Variants in CSMD3 observed in about 807,000 individuals in gnomAD.
CSMD3 encodes the protein CUB and sushi domain-containing protein 3.
In CSMD3, 177 loss-of-function variants were observed where a neutral mutation model predicts 435.2. The ratio of observed to expected loss-of-function variants is 0.41; its 90% confidence interval spans 0.36 to 0.46. The LOEUF is 0.46. Ranked by LOEUF, CSMD3 falls within the 20% of genes least tolerant of loss-of-function variation. The probability of loss-of-function intolerance (pLI) is 0.34; values close to 1 mark genes in which losing one functional copy is unlikely to be tolerated. For synonymous variants in CSMD3, 1,656 were observed against 1,520.5 expected, an observed-to-expected ratio of 1.09 and a Z score of -2.07; for missense variants, 4,265 against 4,504.6, an observed-to-expected ratio of 0.95 and a Z score of 1.52.
intron 5 of CSMD3, among the ~76,000 whole-genome samples, chr8:113,065,468 G>T (rs1239513418): frequency 1.3e-5 from 2 of 151,984 alleles, no homozygotes; most frequent in Non-Finnish European, 2.9e-5. Flanking sequence ...TTCACTGCCA[G>T]CTCCGCCTCC....
chr8:113,274,847 G>A (rs544939534), intron 3 of CSMD3, among the ~76,000 whole-genome samples: 6 of 136,862 alleles, frequency 4.4e-5, no homozygotes, highest in Non-Finnish European at 7.9e-5. Context: ...GAGAAAGAGA[G>A]AGAGAAAGAA....
chr8:112,543,501 C>A (rs1255133403), intron 27 of CSMD3, among the ~76,000 whole-genome samples: 1 of 152,034 alleles, frequency 6.6e-6, no homozygotes, highest in Non-Finnish European at 1.5e-5. Flanking sequence ...CATAACTAAT[C>A]TTCAAGGAAA....
At chr8:112,378,677 G>C (rs765654479) in intron 38 of CSMD3, among the ~76,000 whole-genome samples, 2 of 152,168 alleles carry the variant, frequency 1.3e-5, no homozygotes, top group African/African-American at 2.4e-5. Context: ...GGGATGAAGA[G>C]AGGTTGGTTA....
chr8:112,557,824 G>C (rs1006337963), intron 24 of CSMD3, among the ~76,000 whole-genome samples: 3 of 151,922 alleles, frequency 2.0e-5, no homozygotes, highest in African/African-American at 7.2e-5. Context: ...GTTTCCCTGA[G>C]TTTTGTGAGC....
intron 13 of CSMD3, among the ~76,000 whole-genome samples, chr8:112,766,924 T>C (rs1189053257): frequency 1.3e-5 from 2 of 151,844 alleles, no homozygotes; most frequent in Non-Finnish European, 2.9e-5. Context: ...AGCAAACCTC[T>C]GAAACAACTA....
At chr8:113,049,092 A>G (rs2087968588) in intron 5 of CSMD3, among the ~76,000 whole-genome samples, 1 of 152,106 alleles carries the variant, frequency 6.6e-6, no homozygotes, top group African/African-American at 2.4e-5. Flanking sequence ...TACAAAAATA[A>G]GGCAGGTATG....
rs755633189 is a variant in CSMD3 at position 113,098,888 on chromosome 8, T to C, written c.785A>G (p.His262Arg). The change falls in exon 5 of 71, where the codon CAT becomes CGT. Residue 262 changes from histidine (H) to arginine (R), a missense_variant. Around this residue, in one of 3 missense-constraint regions of CSMD3, gnomAD observed 731 missense variants for 755.4 expected, o/e 0.97. Transcript: ENST00000297405. The part of the protein sequence containing the change: ...ISSPSFPNEY[H>R]NNADCTWTIV... ...GGTCCAAGTGCAATCAGCATTGTTATGGTACTCATTAGGAAAACTAGGGCT... is the reference window on the plus strand; with the variant it reads ...GGTCCAAGTGCAATCAGCATTGTTACGGTACTCATTAGGAAAACTAGGGCT... 9.9e-6 allele frequency: 16 copies of C among 1,611,928 alleles called. No individual in the cohort carries two copies. Among genetic ancestry groups the C allele is most frequent in the African/African-American group, 4.0e-5 (3 of 74,866 alleles).
intron 28 of CSMD3, among the ~76,000 whole-genome samples, chr8:112,511,121 A>C (rs1351162982): frequency 2.0e-5 from 3 of 152,138 alleles, no homozygotes; most frequent in African/African-American, 7.2e-5. Flanking sequence ...GAGTCACAAA[A>C]CCTTTTTGGT....
chr8:113,006,070 T>C (rs556711700), intron 6 of CSMD3, among the ~76,000 whole-genome samples: 10 of 152,056 alleles, frequency 6.6e-5, no homozygotes, highest in Admixed American at 2.0e-4. Context: ...AAGTTTTATC[T>C]AGCAACCACT....
chr8:112,402,232 T>G (rs898057452), intron 35 of CSMD3, among the ~76,000 whole-genome samples: 1 of 152,210 alleles, frequency 6.6e-6, no homozygotes, highest in South Asian at 2.1e-4. Context: ...CTCACTTCAA[T>G]TCAGTCATGC....
chr8:113,134,200 A>G (rs775724106), intron 4 of CSMD3, among the ~76,000 whole-genome samples: 3 of 152,094 alleles, frequency 2.0e-5, no homozygotes, highest in Admixed American at 6.6e-5. Flanking sequence ...GTTAAATTGT[A>G]AAATAGGCAA....
chr8:113,406,511 T>C (rs2129707011), intron 1 of CSMD3, among the ~76,000 whole-genome samples: 1 of 152,144 alleles, frequency 6.6e-6, no homozygotes, highest in East Asian at 1.9e-4. Flanking sequence ...AATAATGGCA[T>C]AGCAGGAAAA....
intron 19 of CSMD3, among the ~76,000 whole-genome samples, chr8:112,648,713 G>T (rs2131625971): frequency 6.6e-6 from 1 of 152,212 alleles, no homozygotes; most frequent in East Asian, 1.9e-4. Flanking sequence ...TGATGCGCTT[G>T]CCATTACTTT....
At chr8:112,787,688 G>A (rs2078583598) in intron 13 of CSMD3, among the ~76,000 whole-genome samples, 1 of 152,068 alleles carries the variant, frequency 6.6e-6, no homozygotes. Context: ...GCCAGGCACA[G>A]AAAGACAAAC....
chr8:112,705,427 G>A (rs2076478364), intron 13 of CSMD3, among the ~76,000 whole-genome samples: 1 of 151,972 alleles, frequency 6.6e-6, no homozygotes, highest in Non-Finnish European at 1.5e-5. Context: ...ACGAATTTAG[G>A]ATTTCTTTGT....
At chr8:112,528,541 T>C (rs894048635) in intron 27 of CSMD3, among the ~76,000 whole-genome samples, 2 of 151,944 alleles carry the variant, frequency 1.3e-5, no homozygotes, top group African/African-American at 4.8e-5. Flanking sequence ...ATTTAGGAAA[T>C]AATTCCAATA....
At chr8:112,557,702 T>G (rs1828245321) in intron 24 of CSMD3, among the ~76,000 whole-genome samples, 1 of 152,034 alleles carries the variant, frequency 6.6e-6, no homozygotes, top group South Asian at 2.1e-4. Context: ...CCCCACTCCA[T>G]GGGGACAGAA....
At chr8:112,461,774 T>C (rs527570272) in intron 32 of CSMD3, among the ~76,000 whole-genome samples, 2 of 152,312 alleles carry the variant, frequency 1.3e-5, no homozygotes, top group African/African-American at 4.8e-5. Flanking sequence ...GCCATTGTTA[T>C]ATAACTAATC....
chr8:112,399,249 G>C (rs1831114385), intron 35 of CSMD3, among the ~76,000 whole-genome samples: 1 of 136,916 alleles, frequency 7.3e-6, no homozygotes, highest in African/African-American at 2.9e-5. Context: ...TTAAAATATA[G>C]AAGTTTTGAT....
Sources: gnomAD v4.1 joint callset for allele counts (sites outside exome capture counted in the v4.1 genomes callset) on GRCh38, gnomAD v4.1.1 for gene constraint, gnomAD v4.1.1 regional missense constraint, MANE v1.5 for transcripts, NCBI Gene and HGNC (gene_info 2026-07-23, HGNC 2026-07-21) for gene names.